NCOA1: variants seen among roughly 807,000 people sequenced by gnomAD.
The protein encoded by NCOA1 is nuclear receptor coactivator 1.
NCOA1 carries 35 observed loss-of-function variants against 150.9 expected under a neutral mutation model. The ratio of observed to expected loss-of-function variants is 0.23; its 90% CI spans 0.18 to 0.31. The LOEUF is 0.31. Ranked by LOEUF, NCOA1 falls within the 10% of genes least tolerant of loss-of-function variation. The probability of loss-of-function intolerance (pLI) is 1.00; values close to 1 mark genes in which losing one functional copy is unlikely to be tolerated. For missense variants in NCOA1, 1,491 were observed against 1,749.3 expected, an observed-to-expected ratio of 0.85 and a Z score of 2.63; for synonymous variants, 590 against 630.0, an observed-to-expected ratio of 0.94 and a Z score of 0.95.
chr2:24,713,349 A>G (rs978615866), intron 14 of NCOA1, among the ~76,000 whole-genome samples: 5 of 152,078 alleles, frequency 3.3e-5, no homozygotes, highest in Non-Finnish European at 7.4e-5. Flanking sequence ...CTGATTCCCC[A>G]GATTACAGTG....
chr2:24,750,208 A>G (rs1454883211), intron 19 of NCOA1, among the ~76,000 whole-genome samples: 1 of 152,246 alleles, frequency 6.6e-6, no homozygotes, highest in South Asian at 2.1e-4. Flanking sequence ...TTATAATTCA[A>G]TGCAGAATTT....
chr2:24,718,295 C>T (rs1321196835), intron 14 of NCOA1, among the ~76,000 whole-genome samples: 4 of 152,180 alleles, frequency 2.6e-5, no homozygotes, highest in Non-Finnish European at 5.9e-5. Flanking sequence ...ATTTTAAAAA[C>T]TGACCATACC....
chr2:24,740,150 G>A (rs753431583), intron 18 of NCOA1, among the ~76,000 whole-genome samples: 4 of 151,934 alleles, frequency 2.6e-5, no homozygotes, highest in Non-Finnish European at 4.4e-5. Flanking sequence ...TGGAGATAAG[G>A]AATTTTAGAG....
Position 24,741,709 on chromosome 2 carries a change from C to G in NCOA1, c.3304-75C>G, listed in dbSNP as rs1389447803. On this transcript the variant is annotated intron_variant, in intron 18 of 22. Coordinates refer to ENST00000348332, the MANE Select transcript of NCOA1 (RefSeq NM_003743.5). Reference sequence around the variant, plus strand: ...ACTTTATTGCCCCAAGCAAGTAGGCCTTAATCCAATGAACTTTCCAGGATA... The same window carrying G: ...ACTTTATTGCCCCAAGCAAGTAGGCGTTAATCCAATGAACTTTCCAGGATA... 3 of 1,468,850 alleles carry G rather than the reference C, an allele frequency of 2.0e-6. No individual in the cohort carries two copies. In the African/African-American group the frequency reaches 4.3e-5, roughly 21 times the overall value. 91.0% of individuals were successfully genotyped at this position (1,468,850 alleles called of 1,614,324 possible).
chr2:24,666,262 C>T (rs1355297994), intron 6 of NCOA1, among the ~76,000 whole-genome samples: 1 of 152,036 alleles, frequency 6.6e-6, no homozygotes, highest in African/African-American at 2.4e-5. Context: ...GATCCGCCCA[C>T]CTCAGCCTCC....
At chr2:24,749,161 A>G (rs1572679884) in intron 19 of NCOA1, among the ~76,000 whole-genome samples, 1 of 152,350 alleles carries the variant, frequency 6.6e-6, no homozygotes, top group East Asian at 1.9e-4. Context: ...TTACTTTCCC[A>G]TCTGAAACAA....
intron 17 of NCOA1, among the ~76,000 whole-genome samples, chr2:24,736,709 G>A (rs1276837420): frequency 6.6e-6 from 1 of 152,168 alleles, no homozygotes; most frequent in Non-Finnish European, 1.5e-5. Context: ...ATTTGGGGCT[G>A]GGTAATTCTT....
intron 17 of NCOA1, among the ~76,000 whole-genome samples, chr2:24,736,058 C>T (rs1157673327): frequency 6.6e-6 from 1 of 151,700 alleles, no homozygotes; most frequent in Non-Finnish European, 1.5e-5. Flanking sequence ...CCTGTCTCTA[C>T]TAAAAATATA....
chr2:24,545,142 A>G (rs750978674), intron 1 of NCOA1, among the ~76,000 whole-genome samples: 7 of 152,174 alleles, frequency 4.6e-5, no homozygotes, highest in Admixed American at 3.9e-4. Context: ...ACCCAGCATC[A>G]GATCTTGGTT....
At chr2:24,742,269 A>G (rs977257269) in intron 19 of NCOA1, 83 bp downstream of exon 19, 2 of 1,461,344 alleles carry the variant, frequency 1.4e-6, no homozygotes, top group Non-Finnish European at 1.8e-6. Flanking sequence ...GTGCTTGGAC[A>G]TTAAAATAGT....
chr2:24,672,473 C>T (rs1179120913), intron 6 of NCOA1, among the ~76,000 whole-genome samples: 1 of 152,204 alleles, frequency 6.6e-6, no homozygotes, highest in Non-Finnish European at 1.5e-5. Flanking sequence ...TAGCCCACCG[C>T]TGCCTCAAAT....
intron 5 of NCOA1, among the ~76,000 whole-genome samples, chr2:24,664,581 G>A (rs555184272): frequency 9.2e-5 from 14 of 152,012 alleles, no homozygotes; most frequent in Admixed American, 4.6e-4. Flanking sequence ...GGTGGCGTGC[G>A]CCTGTAGTCC....
At chr2:24,723,328 G>A (rs567533594) in intron 14 of NCOA1, among the ~76,000 whole-genome samples, 14 of 152,214 alleles carry the variant, frequency 9.2e-5, no homozygotes, top group African/African-American at 3.1e-4. Context: ...ACTTCTTACA[G>A]TTGTACCAGA....
At chr2:24,524,058 T>C (rs982431288) in intron 1 of NCOA1, among the ~76,000 whole-genome samples, 1 of 152,060 alleles carries the variant, frequency 6.6e-6, no homozygotes, top group African/African-American at 2.4e-5. Flanking sequence ...GCTTGAACTT[T>C]ATGACAAATG....
At chr2:24,737,621 C>T (rs1346645380) in intron 17 of NCOA1, among the ~76,000 whole-genome samples, 1 of 152,112 alleles carries the variant, frequency 6.6e-6, no homozygotes, top group Non-Finnish European at 1.5e-5. Flanking sequence ...TCCTCCTTGC[C>T]ACCTTGCATT....
At chr2:24,598,212 GC>G (rs1322082321) in intron 3 of NCOA1, among the ~76,000 whole-genome samples, 1 of 152,102 alleles carries the variant, frequency 6.6e-6, no homozygotes, top group Admixed American at 6.6e-5. Context: ...TGGGTACAAT[GC>G]CTTAGTTAAA....
intron 19 of NCOA1, among the ~76,000 whole-genome samples, chr2:24,749,271 C>T (rs1328105182): frequency 6.6e-6 from 1 of 152,164 alleles, no homozygotes; most frequent in Non-Finnish European, 1.5e-5. Flanking sequence ...GGCCATTTCC[C>T]TGAGCTGAGG....
At chr2:24,599,637 A>G (rs1668025019) in intron 3 of NCOA1, among the ~76,000 whole-genome samples, 1 of 152,014 alleles carries the variant, frequency 6.6e-6, no homozygotes, top group African/African-American at 2.4e-5. Flanking sequence ...ACTTAAATAT[A>G]CTACATGTTT....
At chr2:24,664,656 C>T (rs1426179254) in intron 5 of NCOA1, among the ~76,000 whole-genome samples, 1 of 151,684 alleles carries the variant, frequency 6.6e-6, no homozygotes, top group African/African-American at 2.4e-5. Context: ...TGCAGTGAGC[C>T]GAGATTGCGC....
Sources: gnomAD v4.1 joint callset for allele counts (sites outside exome capture counted in the v4.1 genomes callset) on GRCh38, gnomAD v4.1.1 for gene constraint, MANE v1.5 for transcripts, NCBI Gene and HGNC (gene_info 2026-07-23, HGNC 2026-07-21) for gene names.